RERE: variants seen among roughly 807,000 people sequenced by gnomAD.
RERE encodes the protein arginine-glutamic acid dipeptide repeats protein.
RERE carries 40 observed loss-of-function variants against 146.1 expected under a neutral mutation model. The observed-to-expected ratio is 0.27, with a 90% CI of 0.21 to 0.36. The LOEUF (loss-of-function observed/expected upper bound fraction) is 0.36, where lower values mean the gene tolerates loss of function less well. RERE is among the 10% of genes least tolerant of loss of function. The pLI, the probability that RERE is intolerant of heterozygous loss-of-function variation, is 1.00. For synonymous variants in RERE, 1,003 were observed against 866.0 expected (o/e 1.16, Z -2.78); for missense variants, 1,933 against 2,138.7 (o/e 0.90, Z 1.90).
At chr1:8,504,176 C>T (rs1287270901) in intron 8 of RERE, among the ~76,000 whole-genome samples, 1 of 152,110 alleles carries the variant, frequency 6.6e-6, no homozygotes, top group Non-Finnish European at 1.5e-5. Context: ...ACCCCAGCAC[C>T]CAGTATGTAA....
chr1:8,434,535 C>T (rs1158968662), intron 11 of RERE: 2 of 152,216 alleles, frequency 1.3e-5, no homozygotes, highest in Non-Finnish European at 2.9e-5. Context: ...CCCACATGCT[C>T]TAACAATGTG....
At chr1:8,487,149 A>C (rs944137209) in intron 10 of RERE, among the ~76,000 whole-genome samples, 6 of 152,232 alleles carry the variant, frequency 3.9e-5, no homozygotes, top group Non-Finnish European at 8.8e-5. Flanking sequence ...TCACTATATT[A>C]ACAAAATAAA....
intron 4 of RERE, among the ~76,000 whole-genome samples, chr1:8,559,280 C>CAAAAAAAAAAAAAAAAAAAAAA (rs548075266): frequency 3.1e-3 from 37 of 12,054 alleles, no homozygotes; most frequent in East Asian, 7.2e-3. Context: ...AACTCCAGCT[C>CAAAAAAAAAAAAAAAAAAAAAA]AAAAAAAAAA....
intron 1 of RERE, among the ~76,000 whole-genome samples, chr1:8,696,090 T>C (rs1040995579): frequency 6.6e-6 from 1 of 152,126 alleles, no homozygotes; most frequent in Admixed American, 6.5e-5. Context: ...CAGACACTGG[T>C]GAGGCTGTGG....
intron 4 of RERE, among the ~76,000 whole-genome samples, chr1:8,584,029 T>C (rs1646398638): frequency 6.6e-6 from 1 of 152,008 alleles, no homozygotes; most frequent in South Asian, 2.1e-4. Context: ...AAAGATATTA[T>C]TAAATAAATT....
chr1:8,405,404 A>G (rs367693842), intron 12 of RERE, among the ~76,000 whole-genome samples: 13 of 152,346 alleles, frequency 8.5e-5, no homozygotes, highest in South Asian at 4.1e-4. Context: ...TAATAACATG[A>G]TATCTTTTAA....
At chr1:8,399,766 C>CT (rs909590181) in intron 12 of RERE, among the ~76,000 whole-genome samples, 39 of 150,786 alleles carry the variant, frequency 2.6e-4, no homozygotes, top group South Asian at 8.4e-4. Context: ...TTATCTACGT[C>CT]TTTTTTTTAG....
intron 1 of RERE, chr1:8,702,919 G>A (rs941527733): frequency 6.6e-6 from 1 of 152,098 alleles, no homozygotes; most frequent in Non-Finnish European, 1.5e-5. Flanking sequence ...TCATTCTTAG[G>A]AACACCCGAG....
At chr1:8,592,583 C>T (rs1210623288) in intron 4 of RERE, among the ~76,000 whole-genome samples, 1 of 150,610 alleles carries the variant, frequency 6.6e-6, no homozygotes, top group Non-Finnish European at 1.5e-5. Context: ...AAAAAAAAAT[C>T]TTTTAAAAGC....
intron 1 of RERE, among the ~76,000 whole-genome samples, chr1:8,690,460 G>A (rs775266164): frequency 4.6e-5 from 7 of 151,882 alleles, no homozygotes; most frequent in South Asian, 2.1e-4. Context: ...CACGGCACTC[G>A]CCTACACAAT....
chr1:8,684,527 AG>A (rs1639041960), intron 1 of RERE, among the ~76,000 whole-genome samples: 1 of 152,250 alleles, frequency 6.6e-6, no homozygotes, highest in African/African-American at 2.4e-5. Context: ...ACACAGGAAA[AG>A]GGGGCTTAAA....
chr1:8,440,251 T>C (rs1485939823), intron 11 of RERE, among the ~76,000 whole-genome samples: 2 of 152,146 alleles, frequency 1.3e-5, no homozygotes, highest in African/African-American at 4.8e-5. Flanking sequence ...GTTCTTTATC[T>C]CTTCTGTGCC....
At chr1:8,542,115 G>A (rs1039176630) in intron 6 of RERE, among the ~76,000 whole-genome samples, 3 of 152,006 alleles carry the variant, frequency 2.0e-5, no homozygotes, top group Non-Finnish European at 4.4e-5. Context: ...CACGTGGTGA[G>A]GCCTAACTTC....
intron 3 of RERE, 69 bp from the exon 4 acceptor site, chr1:8,614,755 C>T (rs1206800459): frequency 6.6e-7 from 1 of 1,514,882 alleles, no homozygotes; most frequent in Admixed American, 2.1e-5. Context: ...TAGGGGCACG[C>T]AGCACACAAG....
intron 1 of RERE, among the ~76,000 whole-genome samples, chr1:8,767,186 A>C (rs1640865448): frequency 6.6e-6 from 1 of 152,346 alleles, no homozygotes; most frequent in East Asian, 1.9e-4. Flanking sequence ...AAAACCGAGA[A>C]GTTCTAATTT....
intron 3 of RERE, among the ~76,000 whole-genome samples, chr1:8,620,370 G>A (rs941416805): frequency 6.6e-6 from 1 of 152,198 alleles, no homozygotes. Context: ...CAGCTTGCCT[G>A]TCCTCTGCTT....
chr1:8,810,331 C>A (rs1203408722), intron 1 of RERE, among the ~76,000 whole-genome samples: 1 of 150,718 alleles, frequency 6.6e-6, no homozygotes, highest in Non-Finnish European at 1.5e-5. Context: ...TAAATCCAGA[C>A]ATAGTGGCTC....
intron 16 of RERE, 44 bp downstream of exon 16, chr1:8,362,639 G>T (rs752225226): frequency 1.9e-6 from 3 of 1,612,388 alleles, no homozygotes; most frequent in Non-Finnish European, 8.5e-7. Flanking sequence ...GTTTTAATGT[G>T]AGGGAGGGAC....
At chr1:8,483,378 C>G (rs1299276866) in intron 10 of RERE, among the ~76,000 whole-genome samples, 1 of 152,198 alleles carries the variant, frequency 6.6e-6, no homozygotes, top group African/African-American at 2.4e-5. Flanking sequence ...ATTCCACATT[C>G]AAGTCATAAG....
Sources: allele counts gnomAD v4.1 joint callset (sites outside exome capture counted in the v4.1 genomes callset), GRCh38; gene constraint gnomAD v4.1.1; transcripts MANE v1.5; gene names NCBI Gene and HGNC (gene_info 2026-07-23, HGNC 2026-07-21).